Variants in UBE2R2 observed in about 807,000 individuals in gnomAD.
UBE2R2 encodes the protein ubiquitin-conjugating enzyme E2 R2.
A neutral mutation model predicts 27.8 loss-of-function variants in UBE2R2; 1 was observed. The ratio of observed to expected loss-of-function variants is 0.04; its 90% CI spans 0.01 to 0.17. The LOEUF (loss-of-function observed/expected upper bound fraction) is 0.17. UBE2R2 is among the 10% of genes least tolerant of loss of function. UBE2R2 has a pLI of 1.00. For missense variants in UBE2R2, 100 were observed against 291.0 expected (o/e 0.34, Z 4.78); for synonymous variants, 106 against 113.3 (o/e 0.94, Z 0.41).
chr9:33,871,696 C>T (rs1165861945), intron 1 of UBE2R2, among the ~76,000 whole-genome samples: 2 of 152,104 alleles, frequency 1.3e-5, no homozygotes, highest in Non-Finnish European at 2.9e-5. Context: ...TATTGAGTGA[C>T]GTCTCAGATT....
intron 1 of UBE2R2, among the ~76,000 whole-genome samples, chr9:33,857,403 C>G (rs1286748883): frequency 1.3e-5 from 2 of 152,112 alleles, no homozygotes; most frequent in Non-Finnish European, 2.9e-5. Context: ...ACTACAACCT[C>G]CACCTCCCAG....
intron 1 of UBE2R2, among the ~76,000 whole-genome samples, chr9:33,827,913 G>A (rs1466449968): frequency 2.0e-5 from 3 of 151,730 alleles, no homozygotes; most frequent in Non-Finnish European, 4.4e-5. Context: ...GGAGGTTGCA[G>A]TGAGCCCAGA....
At chr9:33,825,575 G>A (rs887624411) in intron 1 of UBE2R2, among the ~76,000 whole-genome samples, 2 of 152,116 alleles carry the variant, frequency 1.3e-5, no homozygotes, top group African/African-American at 2.4e-5. Flanking sequence ...AGGCTAGTTA[G>A]ACCATTTTTC....
chr9:33,825,172 G>A (rs1207736310), intron 1 of UBE2R2, among the ~76,000 whole-genome samples: 1 of 151,700 alleles, frequency 6.6e-6, no homozygotes. Flanking sequence ...TCGGCCAGGC[G>A]GTCGCCTGTA....
At chr9:33,851,084 C>T (rs1820956582) in intron 1 of UBE2R2, among the ~76,000 whole-genome samples, 1 of 152,150 alleles carries the variant, frequency 6.6e-6, no homozygotes, top group African/African-American at 2.4e-5. Flanking sequence ...CTTCCATTCC[C>T]ACTTCTATTC....
At chr9:33,902,826 G>A (rs1013089831) in intron 3 of UBE2R2, among the ~76,000 whole-genome samples, 3 of 152,164 alleles carry the variant, frequency 2.0e-5, no homozygotes, top group South Asian at 2.1e-4. Flanking sequence ...TAGGCCGGGC[G>A]CAGTGGCTCA....
At chr9:33,824,565 G>GGAGGCGGAGCTTGCAGTGAACTGATATC (rs1820261417) in intron 1 of UBE2R2, among the ~76,000 whole-genome samples, 1 of 150,400 alleles carries the variant, frequency 6.6e-6, no homozygotes, top group Non-Finnish European at 1.5e-5. Context: ...CGTGAACCCG[G>GGAGGCGGAGCTTGCAGTGAACTGATATC]GAGGCGGAGC....
chr9:33,830,579 C>A (rs962103191), intron 1 of UBE2R2, among the ~76,000 whole-genome samples: 1 of 150,920 alleles, frequency 6.6e-6, no homozygotes, highest in South Asian at 2.1e-4. Context: ...CCAGCCTGAC[C>A]AACATCGTGA....
intron 2 of UBE2R2, among the ~76,000 whole-genome samples, chr9:33,894,473 C>G (rs1474671213): frequency 6.6e-6 from 1 of 152,058 alleles, no homozygotes; most frequent in Non-Finnish European, 1.5e-5. Flanking sequence ...GGGTCTTGCT[C>G]TGTTGCCCAG....
chr9:33,911,415 A>C (rs1003454517), intron 3 of UBE2R2, among the ~76,000 whole-genome samples: 8 of 147,206 alleles, frequency 5.4e-5, no homozygotes, highest in African/African-American at 2.0e-4. Flanking sequence ...AAAAAAAAAA[A>C]AAAAAAAAAA....
At chr9:33,895,741 A>G (rs1822087803) in intron 2 of UBE2R2, among the ~76,000 whole-genome samples, 1 of 143,118 alleles carries the variant, frequency 7.0e-6, no homozygotes, top group South Asian at 2.3e-4. Flanking sequence ...TTTCCCTTCC[A>G]TGACTAGATT....
intron 2 of UBE2R2, 30 bp downstream of exon 2, chr9:33,886,997 G>T: frequency 1.3e-6 from 2 of 1,556,236 alleles, no homozygotes; most frequent in South Asian, 1.2e-5. Context: ...AAATTTCTCT[G>T]AAGATTTTTT....
chr9:33,911,513 T>TC (rs2130821290), intron 3 of UBE2R2, among the ~76,000 whole-genome samples: 1 of 151,914 alleles, frequency 6.6e-6, no homozygotes, highest in African/African-American at 2.4e-5. Context: ...TTAAGCTTTT[T>TC]CCCCCATGCC....
At chr9:33,836,230 A>T (rs1477988268) in intron 1 of UBE2R2, among the ~76,000 whole-genome samples, 1 of 152,144 alleles carries the variant, frequency 6.6e-6, no homozygotes, top group East Asian at 1.9e-4. Context: ...AACATGCTGT[A>T]CAGGTTTGAA....
chr9:33,859,818 G>GAGAC (rs1821189089), intron 1 of UBE2R2, among the ~76,000 whole-genome samples: 1 of 149,406 alleles, frequency 6.7e-6, no homozygotes, highest in Non-Finnish European at 1.5e-5. Flanking sequence ...GAGAGAGAGA[G>GAGAC]AGAGACAGGA....
At chr9:33,868,986 G>T (rs1021754452) in intron 1 of UBE2R2, among the ~76,000 whole-genome samples, 2 of 152,044 alleles carry the variant, frequency 1.3e-5, no homozygotes, top group African/African-American at 2.4e-5. Flanking sequence ...ATTGTTTTTT[G>T]GCCAGGCATG....
chr9:33,881,141 T>G (rs1821724614), intron 1 of UBE2R2, among the ~76,000 whole-genome samples: 3 of 152,246 alleles, frequency 2.0e-5, no homozygotes, highest in African/African-American at 7.2e-5. Context: ...ATATTATGTC[T>G]TCTTTGTGAA....
intron 1 of UBE2R2, among the ~76,000 whole-genome samples, chr9:33,866,306 T>C (rs554963951): frequency 2.0e-5 from 3 of 151,982 alleles, no homozygotes; most frequent in African/African-American, 7.2e-5. Flanking sequence ...TGGCATGATC[T>C]CAGCTCACTG....
At chr9:33,850,558 GA>G (rs1709931483) in intron 1 of UBE2R2, among the ~76,000 whole-genome samples, 1 of 151,900 alleles carries the variant, frequency 6.6e-6, no homozygotes, top group African/African-American at 2.4e-5. Context: ...GCTGATAACT[GA>G]CTTGCATATC....
Sources: gnomAD v4.1 joint callset for allele counts (sites outside exome capture counted in the v4.1 genomes callset) on GRCh38, gnomAD v4.1.1 for gene constraint, MANE v1.5 for transcripts, NCBI Gene and HGNC (gene_info 2026-07-23, HGNC 2026-07-21) for gene names.